Variants in TRIM66 observed in about 807,000 individuals in gnomAD.
The protein encoded by TRIM66 is tripartite motif containing 66, also known as tripartite motif-containing protein 66.
Under a neutral mutation model 148.2 loss-of-function variants are expected in TRIM66, and 99 were observed. The ratio of observed to expected loss-of-function variants is 0.67; its 90% CI spans 0.57 to 0.79. The LOEUF (loss-of-function observed/expected upper bound fraction) is 0.79, where lower values mean the gene tolerates loss of function less well. Among genes scored for constraint, TRIM66 ranks in the 30% least tolerant of loss-of-function variants. The pLI, the probability that TRIM66 is intolerant of heterozygous loss-of-function variation, is 0.00. For synonymous variants in TRIM66, 616 were observed against 635.9 expected (o/e 0.97, Z 0.47); for missense variants, 1,666 against 1,697.9 (o/e 0.98, Z 0.33).
At chr11:8,621,407 A>G in intron 19 of TRIM66, 86 bp from the exon 20 acceptor site, 4 of 1,447,444 alleles carry the variant, frequency 2.8e-6, no homozygotes, top group Non-Finnish European at 2.7e-6. Flanking sequence ...CAGGCCCTGC[A>G]TGCCTACATG....
At chr11:8,678,262 T>G (rs2039270276) in intron 3 of TRIM66, 1 of 152,156 alleles carries the variant, frequency 6.6e-6, no homozygotes, top group South Asian at 2.1e-4. Context: ...TAAGAATTTT[T>G]TAAAAAAACA....
intron 1 of TRIM66, chr11:8,680,711 G>C (rs1342726440): frequency 6.6e-6 from 1 of 152,254 alleles, no homozygotes; most frequent in African/African-American, 2.4e-5. Context: ...CCATATGGGT[G>C]TGGAGCTCAG....
In TRIM66 at chr11:8,624,950, T is replaced by C; in HGVS notation, c.2589A>G (p.Ile863Met). ...HSTFQSMPNL[I>M]SDSPQAMASL... ...TTGCCATAGCCTGAGGGGAGTCACT[T>C]ATCAGGTTGGGCATGGACTGGAATG... The change falls in exon 16 of 25, where the codon ATA becomes ATG. Residue 863 changes from isoleucine to methionine, a missense_variant. Transcript: ENST00000646038. 6.4e-7 allele frequency: 1 copy of C among 1,551,698 alleles called. No homozygotes were observed. The highest frequency in any genetic ancestry group is 8.7e-7 in the Non-Finnish European group (1 of 1,146,960).
At chr11:8,622,365 C>CACACACATATATATATATATAT in intron 18 of TRIM66, among the ~76,000 whole-genome samples, 13 of 59,600 alleles carry the variant, frequency 2.2e-4, no homozygotes, top group Admixed American at 1.1e-3. Flanking sequence ...CACACACACA[C>CACACACATATATATATATATAT]ATATATATAT....
rs147921300 is a variant in TRIM66 at position 8,616,894 on chromosome 11, C to A, written c.*1050G>T. On this transcript the variant is annotated 3_prime_UTR_variant, in exon 25 of 25. Transcript: ENST00000646038. ...GCTGGTCAGAAGACTCACTTCTGATCTTTGGCTCATGAACTTGGAGAGGTT... is the reference window on the plus strand; with the variant it reads ...GCTGGTCAGAAGACTCACTTCTGATATTTGGCTCATGAACTTGGAGAGGTT... 2.6e-5 allele frequency: 4 copies of A among 152,264 alleles called. No individual in the cohort carries two copies. Among genetic ancestry groups the A allele is most frequent in the African/African-American group, 4.8e-5 (2 of 41,520 alleles). 9.4% of individuals were successfully genotyped at this position (152,264 alleles called of 1,614,324 possible).
intron 18 of TRIM66, among the ~76,000 whole-genome samples, chr11:8,622,092 A>G (rs980346573): frequency 3.3e-5 from 5 of 151,676 alleles, no homozygotes; most frequent in African/African-American, 1.2e-4. Flanking sequence ...GCAGGAAAAC[A>G]TGAAAAGGAG....
intron 6 of TRIM66, among the ~76,000 whole-genome samples, chr11:8,652,411 C>T (rs1043255370): frequency 1.3e-5 from 2 of 152,136 alleles, no homozygotes; most frequent in Admixed American, 6.5e-5. Flanking sequence ...CCTGCCCGCT[C>T]ATCTAGGAGG....
chr11:8,669,228 C>A (rs1187612917), intron 6 of TRIM66, among the ~76,000 whole-genome samples: 1 of 152,232 alleles, frequency 6.6e-6, no homozygotes, highest in Non-Finnish European at 1.5e-5. Flanking sequence ...CTAATACCAA[C>A]AGTGCTATTT....
At chr11:8,639,106 C>G (rs1387441121) in intron 14 of TRIM66, among the ~76,000 whole-genome samples, 1 of 152,170 alleles carries the variant, frequency 6.6e-6, no homozygotes, top group Non-Finnish European at 1.5e-5. Flanking sequence ...TAGCTTGTGG[C>G]CCTCTATGAA....
At chr11:8,638,517 C>A (rs2036088272) in intron 15 of TRIM66, 137 bp downstream of exon 15, 1 of 924,010 alleles carries the variant, frequency 1.1e-6, no homozygotes, top group Non-Finnish European at 1.6e-6. Flanking sequence ...CGGCAGAAGG[C>A]ATGAATCAGG....
intron 11 of TRIM66, 101 bp downstream of exon 11, chr11:8,646,346 G>T: frequency 1.1e-6 from 1 of 929,736 alleles, no homozygotes; most frequent in Non-Finnish European, 1.7e-6. Flanking sequence ...TATGGAAGCT[G>T]CATATCTGAA....
At chr11:8,678,853 T>C (rs2039298715) in intron 3 of TRIM66, among the ~76,000 whole-genome samples, 1 of 152,224 alleles carries the variant, frequency 6.6e-6, no homozygotes, top group African/African-American at 2.4e-5. Flanking sequence ...CAGGGCCTTC[T>C]TCAGGGTGAT....
Position 8,640,447 on chromosome 11 carries a change from C to T in TRIM66, c.1928G>A (p.Gly643Asp). Residue 643 changes from glycine (G) to aspartate (D), a missense_variant, in exon 14 of 25, where the codon GGC (glycine) becomes GAC (aspartate). This residue lies in a region of TRIM66 where 1,431 missense variants were observed against 1,412.4 expected (regional missense o/e 1.01). Coordinates refer to ENST00000646038, the MANE Select transcript of TRIM66 (RefSeq NM_001388022.1). ...LASSQHESPP[G>D]PACSQNMDIM... is the part of the protein sequence containing the mutation. Reference sequence around the variant, plus strand: ...GTCCATGTTCTGAGAACAGGCAGGGCCAGGAGGGCTCTCGTGCTGACTAGA... The same window carrying T: ...GTCCATGTTCTGAGAACAGGCAGGGTCAGGAGGGCTCTCGTGCTGACTAGA... 1.3e-6 allele frequency: 2 copies of T among 1,550,728 alleles called. No homozygotes were observed. The highest frequency in any genetic ancestry group is 1.7e-6 in the Non-Finnish European group (2 of 1,146,774).
intron 14 of TRIM66, among the ~76,000 whole-genome samples, chr11:8,639,941 T>C (rs1409649608): frequency 3.9e-5 from 6 of 152,128 alleles, no homozygotes; most frequent in Non-Finnish European, 2.9e-5. Context: ...GAAGGTACCA[T>C]CGGTGGGCAG....
chr11:8,635,193 T>C (rs947282763), intron 15 of TRIM66, among the ~76,000 whole-genome samples: 2 of 152,276 alleles, frequency 1.3e-5, no homozygotes, highest in East Asian at 1.9e-4. Context: ...GGTCCTAACA[T>C]TGCCCAATGG....
intron 15 of TRIM66, among the ~76,000 whole-genome samples, chr11:8,631,917 G>A (rs959378271): frequency 2.6e-5 from 4 of 152,136 alleles, no homozygotes; most frequent in African/African-American, 9.7e-5. Flanking sequence ...AGTGGTTAAA[G>A]TAATCAGAAA....
chr11:8,627,890 C>T (rs1447204277), intron 15 of TRIM66, among the ~76,000 whole-genome samples: 1 of 152,216 alleles, frequency 6.6e-6, no homozygotes, highest in African/African-American at 2.4e-5. Context: ...AGTGGCACAA[C>T]CACAGCTCAC....
intron 15 of TRIM66, among the ~76,000 whole-genome samples, chr11:8,636,589 C>A (rs2035903237): frequency 6.6e-6 from 1 of 152,004 alleles, no homozygotes; most frequent in Non-Finnish European, 1.5e-5. Flanking sequence ...GGTGTTAAGC[C>A]AAAGGGCTTT....
At chr11:8,647,342 C>G (rs1007626702) in intron 10 of TRIM66, among the ~76,000 whole-genome samples, 1 of 152,144 alleles carries the variant, frequency 6.6e-6, no homozygotes, top group Non-Finnish European at 1.5e-5. Context: ...ACCATCTAAA[C>G]CCAGCACAGT....
Sources: allele counts gnomAD v4.1 joint callset (sites outside exome capture counted in the v4.1 genomes callset), GRCh38; gene constraint gnomAD v4.1.1; regional missense constraint gnomAD v4.1.1; transcripts MANE v1.5; gene names NCBI Gene and HGNC (gene_info 2026-07-23, HGNC 2026-07-21).